NF2: variants seen among roughly 807,000 people sequenced by gnomAD.
The protein encoded by NF2 is NF2, moesin-ezrin-radixin like (MERLIN) tumor suppressor.
In NF2, 8 loss-of-function variants were observed where a neutral mutation model predicts 83.7. That is an observed-to-expected ratio of 0.10 (90% CI 0.06 to 0.17). The LOEUF (loss-of-function observed/expected upper bound fraction) is 0.17. Among genes scored for constraint, NF2 ranks in the 10% least tolerant of loss-of-function variants. The pLI, the probability that NF2 is intolerant of heterozygous loss-of-function variation, is 1.00. For missense variants in NF2, 533 were observed against 744.4 expected (o/e 0.72, Z 3.31); for synonymous variants, 266 against 269.6 (o/e 0.99, Z 0.13).
chr22:29,606,111 T>C (rs1272918353), intron 1 of NF2, among the ~76,000 whole-genome samples: 1 of 152,176 alleles, frequency 6.6e-6, no homozygotes, highest in Non-Finnish European at 1.5e-5. Context: ...TGCGCCACCA[T>C]GTCTGGCTAA....
chr22:29,667,816 T>G (rs548140377), intron 9 of NF2, among the ~76,000 whole-genome samples: 1 of 152,264 alleles, frequency 6.6e-6, no homozygotes, highest in Non-Finnish European at 1.5e-5. Context: ...TGTGTCTTAC[T>G]TGGCATCTTC....
intron 1 of NF2, among the ~76,000 whole-genome samples, chr22:29,613,403 A>G (rs1350113170): frequency 1.3e-5 from 2 of 152,022 alleles, no homozygotes; most frequent in Non-Finnish European, 1.5e-5. Context: ...GGGGGTGCAC[A>G]CTTGTAGTCC....
At chr22:29,690,857 C>T (rs9625852) in intron 15 of NF2, among the ~76,000 whole-genome samples, 14,631 of 152,206 alleles carry the variant, frequency 0.096, 877 homozygotes, top group South Asian at 0.17. Flanking sequence ...CTGAGCAGGG[C>T]CCTTGGGTTT....
intron 15 of NF2, chr22:29,683,880 T>G (rs752941187): frequency 6.7e-6 from 7 of 1,050,008 alleles, no homozygotes; most frequent in Non-Finnish European, 6.9e-6. Context: ...GGAGAGAATG[T>G]ATTTTGCCCA....
chr22:29,604,891 T>C (rs1432891623), intron 1 of NF2, among the ~76,000 whole-genome samples: 2 of 152,212 alleles, frequency 1.3e-5, no homozygotes, highest in African/African-American at 4.8e-5. Flanking sequence ...AACTCTACCA[T>C]TGTAACACAA....
intron 10 of NF2, among the ~76,000 whole-genome samples, chr22:29,671,153 A>T (rs1033365227): frequency 6.6e-6 from 1 of 152,138 alleles, no homozygotes. Context: ...ATTGCATCCC[A>T]TCGGCCATGG....
At position 29,697,652 on chromosome 22, in the gene NF2, C is replaced by T. The variant is rs75293087; in HGVS notation, c.*2850C>T. 8 of 173,758 alleles carry T rather than the reference C, an allele frequency of 4.6e-5. No homozygotes were observed. Among genetic ancestry groups the T allele is most frequent in the African/African-American group, 7.2e-5 (3 of 41,948 alleles). The allele number at this position is 173,758 out of a possible 1,614,324, so 10.8% of individuals were successfully genotyped here. A position where few individuals can be genotyped will look rare whatever the true frequency, so the allele number is the denominator to read the frequency against. Reference sequence around the variant, plus strand: ...CGTGATCTCGGCTCACCGCAACCTCCGCCTCCCGGATTCAAGCAATTCTCC... The same window carrying T: ...CGTGATCTCGGCTCACCGCAACCTCTGCCTCCCGGATTCAAGCAATTCTCC... On this transcript the variant is annotated 3_prime_UTR_variant, in exon 16 of 16. Coordinates refer to ENST00000338641, the MANE Select transcript of NF2 (RefSeq NM_000268.4).
At chr22:29,646,142 A>G (rs2065976392) in intron 4 of NF2, among the ~76,000 whole-genome samples, 1 of 152,240 alleles carries the variant, frequency 6.6e-6, no homozygotes, top group Non-Finnish European at 1.5e-5. Flanking sequence ...GTCTTTCCAG[A>G]AGCCAAGGCT....
At position 29,684,494 on chromosome 22, in the gene NF2, T is replaced by C. The variant is rs2067225885; in HGVS notation, c.1737+2893T>C. On this transcript the variant is annotated intron_variant, in intron 15 of 15. Coordinates refer to ENST00000338641, the MANE Select transcript of NF2 (RefSeq NM_000268.4). ...TGAATGTGACTTCCTCTTTCTTCTTTCTATAATGATGCAGAATGCTGAAAT... is the reference window on the plus strand; with the variant it reads ...TGAATGTGACTTCCTCTTTCTTCTTCCTATAATGATGCAGAATGCTGAAAT... Among the ~76,000 whole-genome samples, 4 of 152,336 alleles carry C rather than the reference T, an allele frequency of 2.6e-5. No homozygotes were observed. The South Asian group carries it at 8.3e-4, about 32-fold the overall frequency.
intron 3 of NF2, among the ~76,000 whole-genome samples, chr22:29,640,913 C>G (rs2065790720): frequency 6.6e-6 from 1 of 152,098 alleles, no homozygotes; most frequent in Admixed American, 6.5e-5. Flanking sequence ...GCGGGTGGAT[C>G]ACCTGAGGTC....
intron 1 of NF2, among the ~76,000 whole-genome samples, chr22:29,630,379 A>C (rs1227376681): frequency 6.6e-6 from 1 of 152,244 alleles, no homozygotes. Context: ...TCCAGCTCCT[A>C]CAAAAAAAAT....
At chr22:29,669,726 G>C (rs2066726731) in intron 10 of NF2, among the ~76,000 whole-genome samples, 1 of 152,130 alleles carries the variant, frequency 6.6e-6, no homozygotes, top group African/African-American at 2.4e-5. Context: ...CACAAACCTG[G>C]CATCTGGGCA....
chr22:29,679,138 T>A lies in NF2; in HGVS notation c.1574+815T>A, dbSNP rs1264261073. Among the ~76,000 whole-genome samples, 7 of 152,182 alleles carry A rather than the reference T, an allele frequency of 4.6e-5. No individual in the cohort carries two copies. In the East Asian group the frequency reaches 1.3e-3, roughly 29 times the overall value. ...GGTTTTCATGTTCCCATTTTATAAG[T>A]GAGAACTCAGATTTAGAGAGTTTAG... On this transcript the variant is annotated intron_variant, in intron 14 of 15. Coordinates refer to ENST00000338641, the MANE Select transcript of NF2 (RefSeq NM_000268.4).
intron 1 of NF2, among the ~76,000 whole-genome samples, chr22:29,635,728 T>A (rs865783167): frequency 6.6e-6 from 1 of 152,322 alleles, no homozygotes; most frequent in Middle Eastern, 3.4e-3. Context: ...CGGATGCTTC[T>A]GCAATTGAGT....
At chr22:29,617,139 G>A (rs1321136682) in intron 1 of NF2, among the ~76,000 whole-genome samples, 1 of 152,100 alleles carries the variant, frequency 6.6e-6, no homozygotes, top group African/African-American at 2.4e-5. Flanking sequence ...ATGTTGGCCA[G>A]GCTGATCTTG....
chr22:29,624,142 C>A (rs769991515), intron 1 of NF2, among the ~76,000 whole-genome samples: 9 of 152,192 alleles, frequency 5.9e-5, no homozygotes, highest in Admixed American at 1.3e-4. Flanking sequence ...GAACTTAACT[C>A]TTTAAACCTC....
At chr22:29,650,603 T>C (rs2066121146) in intron 4 of NF2, among the ~76,000 whole-genome samples, 1 of 151,680 alleles carries the variant, frequency 6.6e-6, no homozygotes, top group Admixed American at 6.6e-5. Flanking sequence ...CCTTTTTCTT[T>C]TCTTTCTCCC....
At chr22:29,625,359 T>C (rs1346898935) in intron 1 of NF2, among the ~76,000 whole-genome samples, 2 of 152,260 alleles carry the variant, frequency 1.3e-5, no homozygotes, top group Non-Finnish European at 2.9e-5. Flanking sequence ...GTGTGTCATA[T>C]TGAAATTTTT....
rs2065736212 is a variant in NF2 at position 29,639,276 on chromosome 22, G to T, written c.363+64G>T. 3 of 1,605,430 alleles carry T rather than the reference G, an allele frequency of 1.9e-6. No individual in the cohort carries two copies. The South Asian group carries it at 3.3e-5, about 18-fold the overall frequency. ...TTGCCCAGGAGTGGTTGCAGAGTTG[G>T]CCTCAGAGTTGACCACAAACACCTT... On this transcript the variant is annotated intron_variant, in intron 3 of 15. Transcript: ENST00000338641.
Sources: gnomAD v4.1 joint callset for allele counts (sites outside exome capture counted in the v4.1 genomes callset) on GRCh38, gnomAD v4.1.1 for gene constraint, MANE v1.5 for transcripts, NCBI Gene and HGNC (gene_info 2026-07-23, HGNC 2026-07-21) for gene names.